The following PPP4R3B variants were observed in gnomAD, a reference collection of about 807,000 sequenced individuals.
The protein encoded by PPP4R3B is serine/threonine-protein phosphatase 4 regulatory subunit 3B.
In PPP4R3B, 52 loss-of-function variants were observed where a neutral mutation model predicts 95.4. The ratio of observed to expected loss-of-function variants is 0.54; its 90% CI spans 0.44 to 0.69. The LOEUF (loss-of-function observed/expected upper bound fraction) is 0.69. PPP4R3B is among the 30% of genes least tolerant of loss of function. The pLI is 0.00. For missense variants in PPP4R3B, 1,003 were observed against 1,005.9 expected (o/e 1.00, Z 0.04); for synonymous variants, 407 against 343.9 (o/e 1.18, Z -2.03).
rs544142048 is a variant in PPP4R3B at position 55,556,631 on chromosome 2, T to A, written c.2454+2144A>T. On this transcript the variant is annotated intron_variant, in intron 16 of 16. Coordinates refer to ENST00000616407, the MANE Select transcript of PPP4R3B (RefSeq NM_001122964.3). ...AAGTACATGCATGTATTACTTTGAT[T>A]TAAAAAAAAAAAAAGAAAAAAAAGA... Among the ~76,000 whole-genome samples the A allele has an allele frequency of 2.3e-4, 33 of 144,046 alleles. No homozygotes were observed. In the South Asian group the frequency reaches 6.8e-3, roughly 30 times the overall value. 94.5% of individuals were successfully genotyped at this position (144,046 alleles called of 152,430 possible). A position where few individuals can be genotyped will look rare whatever the true frequency, so the allele number is the denominator to read the frequency against.
At chr2:55,610,779 T>A (rs920022626) in intron 2 of PPP4R3B, among the ~76,000 whole-genome samples, 2 of 152,094 alleles carry the variant, frequency 1.3e-5, no homozygotes, top group African/African-American at 4.8e-5. Flanking sequence ...ATCTGTTACA[T>A]CCTGCCTCCA....
At chr2:55,581,757 G>C (rs935327502) in intron 7 of PPP4R3B, 59 bp from the exon 8 acceptor site, 1 of 1,545,776 alleles carries the variant, frequency 6.5e-7, no homozygotes, top group Non-Finnish European at 8.7e-7. Flanking sequence ...TTAGATCTAA[G>C]ACAAAAACAC....
Position 55,593,490 on chromosome 2 carries a change from C to A in PPP4R3B, c.922-4534G>T, listed in dbSNP as rs562515941. 7.4e-4 allele frequency among the ~76,000 whole-genome samples: 113 copies of A among 152,244 alleles called. No individual in the cohort carries two copies. In the Middle Eastern group the frequency reaches 0.01, roughly 14 times the overall value. On this transcript the variant is annotated intron_variant, in intron 4 of 16. Transcript: ENST00000616407. ...ACTCACACAGCAGCAAGTTAATGCGCATTTAAGAAACCACAGGTAAGTGTA... is the reference window on the plus strand; with the variant it reads ...ACTCACACAGCAGCAAGTTAATGCGAATTTAAGAAACCACAGGTAAGTGTA...
intron 3 of PPP4R3B, among the ~76,000 whole-genome samples, chr2:55,599,464 A>T (rs1038373633): frequency 3.9e-5 from 6 of 152,088 alleles, no homozygotes; most frequent in Admixed American, 2.0e-4. Context: ...AATTAAAATA[A>T]AATAAATAAA....
intron 12 of PPP4R3B, among the ~76,000 whole-genome samples, chr2:55,569,982 T>C (rs1160294404): frequency 6.6e-6 from 1 of 152,030 alleles, no homozygotes; most frequent in Non-Finnish European, 1.5e-5. Context: ...CTCACACTAT[T>C]CTACTTCTCC....
At chr2:55,576,443 T>C (rs1379672820) in intron 11 of PPP4R3B, among the ~76,000 whole-genome samples, 1 of 142,320 alleles carries the variant, frequency 7.0e-6, no homozygotes, top group Non-Finnish European at 1.5e-5. Flanking sequence ...GGAAATTAAG[T>C]TTAAAAAAAC....
rs1296635938 is a variant in PPP4R3B at position 55,549,616 on chromosome 2, A to G, written c.*295T>C. 5.7e-6 allele frequency: 2 copies of G among 349,042 alleles called. No individual in the cohort carries two copies. Among genetic ancestry groups the G allele is most frequent in the Non-Finnish European group, 1.0e-5 (2 of 192,398 alleles). The allele number at this position is 349,042 out of a possible 1,614,324, so 21.6% of individuals were successfully genotyped here. A position where few individuals can be genotyped will look rare whatever the true frequency, so the allele number is the denominator to read the frequency against. ...TTATATCAACCTTTTCCCCTCCCCT[A>G]AACCGTCCCCAAACCTGTGACTTTT... is the stretch of plus-strand genomic sequence containing the variant. On this transcript the variant is annotated 3_prime_UTR_variant, in exon 17 of 17. Coordinates refer to ENST00000616407, the MANE Select transcript of PPP4R3B (RefSeq NM_001122964.3).
At chr2:55,553,131 A>C (rs1341818028) in intron 16 of PPP4R3B, among the ~76,000 whole-genome samples, 1 of 152,236 alleles carries the variant, frequency 6.6e-6, no homozygotes. Flanking sequence ...AGAGAATGTA[A>C]TGAACTTTAC....
intron 11 of PPP4R3B, among the ~76,000 whole-genome samples, chr2:55,574,520 G>A (rs190053809): frequency 2.2e-4 from 34 of 151,810 alleles, no homozygotes; most frequent in Admixed American, 2.0e-3. Flanking sequence ...AAAATTATAC[G>A]CTTTTAGAAA....
In PPP4R3B at chr2:55,548,588, A is replaced by G. The variant is rs8080; in HGVS notation, c.*1323T>C. 0.23 allele frequency: 34,324 copies of G among 152,528 alleles called. 3,979 individuals carry two copies. Among genetic ancestry groups the G allele is most frequent in the East Asian group, 0.35 (1,786 of 5,174 alleles). The allele number at this position is 152,528 out of a possible 1,614,324, so 9.4% of individuals were successfully genotyped here. A position where few individuals can be genotyped will look rare whatever the true frequency, so the allele number is the denominator to read the frequency against. ...ATTAAAATTAACTACAAAATCTCCA[A>G]AACAGGGGAAACTGCTTTAGATTAA... On this transcript the variant is annotated 3_prime_UTR_variant, in exon 17 of 17. Transcript: ENST00000616407.
chr2:55,554,160 G>GTTGCAATA (rs879299998), intron 16 of PPP4R3B, among the ~76,000 whole-genome samples: 1 of 152,182 alleles, frequency 6.6e-6, no homozygotes, highest in Non-Finnish European at 1.5e-5. Context: ...TGCCCGCTGG[G>GTTGCAATA]CTCAAGTGAT....
intron 2 of PPP4R3B, among the ~76,000 whole-genome samples, chr2:55,608,737 C>T (rs1693755851): frequency 6.6e-6 from 1 of 152,170 alleles, no homozygotes; most frequent in South Asian, 2.1e-4. Flanking sequence ...GTAATCCCAG[C>T]ACTTTTGGAG....
intron 7 of PPP4R3B, among the ~76,000 whole-genome samples, chr2:55,583,197 A>AGAATT: frequency 6.6e-6 from 1 of 152,242 alleles, no homozygotes; most frequent in African/African-American, 2.4e-5. Flanking sequence ...AAAGGTCACC[A>AGAATT]CCAGCCCAGT....
At chr2:55,551,247 G>A (rs1685211625) in intron 16 of PPP4R3B, among the ~76,000 whole-genome samples, 1 of 151,996 alleles carries the variant, frequency 6.6e-6, no homozygotes, top group African/African-American at 2.4e-5. Context: ...CCAGCTACTC[G>A]GGAGGCTGAG....
intron 10 of PPP4R3B, 49 bp downstream of exon 10, chr2:55,578,198 A>C: frequency 7.5e-7 from 1 of 1,325,846 alleles, no homozygotes; most frequent in Non-Finnish European, 9.7e-7. Flanking sequence ...TATACACATC[A>C]TAACAACATA....
chr2:55,605,188 A>G (rs1354901423), intron 2 of PPP4R3B, among the ~76,000 whole-genome samples: 1 of 152,144 alleles, frequency 6.6e-6, no homozygotes, highest in Non-Finnish European at 1.5e-5. Context: ...AAAATGAACA[A>G]TCTTTTAAGG....
At chr2:55,598,173 T>C (rs905327720) in intron 4 of PPP4R3B, among the ~76,000 whole-genome samples, 1 of 152,126 alleles carries the variant, frequency 6.6e-6, no homozygotes, top group South Asian at 2.1e-4. Flanking sequence ...TGAGCTGAGA[T>C]TGCGCCACTG....
In PPP4R3B at chr2:55,564,899, T is replaced by C; in HGVS notation, c.2075+3A>G. The C allele has an allele frequency of 2.5e-6, 4 of 1,609,704 alleles. No individual in the cohort carries two copies. Among genetic ancestry groups the C allele is most frequent in the Non-Finnish European group, 3.4e-6 (4 of 1,178,690 alleles). On this transcript the variant is annotated splice_donor_region_variant and intron_variant, in intron 14 of 16. Transcript: ENST00000616407. ...CTATAAAAGCAGTATACTTAAACAA[T>C]ACCTGTTCAGTTTCTGATTTTGTCT...
intron 9 of PPP4R3B, 52 bp from the exon 10 acceptor site, chr2:55,578,394 G>T: frequency 7.9e-7 from 1 of 1,263,998 alleles, no homozygotes; most frequent in South Asian, 3.4e-5. Flanking sequence ...GGGAGTATAT[G>T]AGTGTCTGTT....
Sources: allele counts gnomAD v4.1 joint callset (sites outside exome capture counted in the v4.1 genomes callset), GRCh38; gene constraint gnomAD v4.1.1; transcripts MANE v1.5; gene names NCBI Gene and HGNC (gene_info 2026-07-23, HGNC 2026-07-21).